Variants in DPP10 observed in about 807,000 individuals in gnomAD.
DPP10 encodes inactive dipeptidyl peptidase 10.
Under a neutral mutation model 120.9 loss-of-function variants are expected in DPP10, and 33 were observed. The ratio of observed to expected loss-of-function variants is 0.27; its 90% confidence interval spans 0.21 to 0.37. The LOEUF (loss-of-function observed/expected upper bound fraction) is 0.37. Among genes scored for constraint, DPP10 ranks in the 10% least tolerant of loss-of-function variants. DPP10 has a pLI of 1.00. For missense variants in DPP10, 816 were observed against 942.8 expected (o/e 0.87, Z 1.76); for synonymous variants, 337 against 326.1 (o/e 1.03, Z -0.36).
intron 1 of DPP10, among the ~76,000 whole-genome samples, chr2:114,804,653 C>T (rs1006668282): frequency 2.0e-5 from 3 of 152,192 alleles, no homozygotes; most frequent in East Asian, 1.9e-4. Flanking sequence ...CCTGTAACCC[C>T]TTTATTTTGG....
chr2:114,834,779 T>A (rs1189502498), intron 1 of DPP10, among the ~76,000 whole-genome samples: 1 of 144,520 alleles, frequency 6.9e-6, no homozygotes, highest in African/African-American at 2.7e-5. Flanking sequence ...TATGTATATA[T>A]AAGCCATGTC....
intron 1 of DPP10, among the ~76,000 whole-genome samples, chr2:115,113,716 T>C (rs1573661559): frequency 6.6e-6 from 1 of 152,298 alleles, no homozygotes. Context: ...ACCCTTGAGA[T>C]ACATATTTTG....
intron 3 of DPP10, among the ~76,000 whole-genome samples, chr2:115,483,290 T>A (rs1204041246): frequency 6.6e-6 from 1 of 152,136 alleles, no homozygotes; most frequent in East Asian, 1.9e-4. Flanking sequence ...TAAAAAATTA[T>A]TTCAGATGAC....
At chr2:115,079,110 G>A (rs943066794) in intron 1 of DPP10, among the ~76,000 whole-genome samples, 1 of 152,218 alleles carries the variant, frequency 6.6e-6, no homozygotes, top group Non-Finnish European at 1.5e-5. Context: ...GCCGGGCGCG[G>A]TGGCTCACGC....
chr2:114,753,908 C>CA (rs777798352), intron 1 of DPP10, among the ~76,000 whole-genome samples: 2,375 of 33,358 alleles, frequency 0.071, 217 homozygotes, highest in Non-Finnish European at 0.12. Context: ...GACTCCTTCT[C>CA]AAAAAAAAAA....
intron 1 of DPP10, among the ~76,000 whole-genome samples, chr2:114,893,461 T>C (rs376251921): frequency 2.6e-5 from 4 of 151,958 alleles, no homozygotes; most frequent in East Asian, 1.9e-4. Context: ...CTTTTGAATA[T>C]TGGGGGGTGG....
chr2:115,408,481 T>C (rs2068696711), intron 3 of DPP10, among the ~76,000 whole-genome samples: 1 of 152,142 alleles, frequency 6.6e-6, no homozygotes, highest in South Asian at 2.1e-4. Flanking sequence ...CTGGATCTAG[T>C]TGACATCTAT....
At chr2:114,847,655 A>T (rs1688647676) in intron 1 of DPP10, among the ~76,000 whole-genome samples, 1 of 152,174 alleles carries the variant, frequency 6.6e-6, no homozygotes, top group South Asian at 2.1e-4. Context: ...CTTTTGCATG[A>T]GTGTAATAAG....
intron 1 of DPP10, among the ~76,000 whole-genome samples, chr2:115,093,432 T>C (rs146443034): frequency 1.8e-3 from 272 of 152,228 alleles, no homozygotes; most frequent in Non-Finnish European, 3.1e-3. Flanking sequence ...CCAATATAAA[T>C]AATAACTAAA....
At chr2:114,455,788 C>A (rs111256532) in intron 1 of DPP10, among the ~76,000 whole-genome samples, 7 of 151,108 alleles carry the variant, frequency 4.6e-5, no homozygotes, top group South Asian at 2.1e-4. Flanking sequence ...AACAGCTAAC[C>A]AGCTGACCTT....
chr2:115,746,566 A>G lies in DPP10; in HGVS notation c.950+383A>G, dbSNP rs186394498. 8.0e-3 allele frequency among the ~76,000 whole-genome samples: 1,221 copies of G among 152,280 alleles called. 5 individuals carry two copies. The highest frequency in any genetic ancestry group is 0.031 in the Middle Eastern group (9 of 294). On this transcript the variant is annotated intron_variant, in intron 10 of 25. Coordinates refer to ENST00000410059, the MANE Select transcript of DPP10 (RefSeq NM_020868.6). The stretch of plus-strand genomic sequence containing the variant: ...CTCTCTGGAATTTGTGAGTTTTTCC[A>G]ACTTTCTCCCCATAGTTTTGCCAAA...
At chr2:115,735,374 A>G (rs906227975) in intron 8 of DPP10, among the ~76,000 whole-genome samples, 1 of 152,126 alleles carries the variant, frequency 6.6e-6, no homozygotes, top group Non-Finnish European at 1.5e-5. Context: ...AAAACTTATT[A>G]TGTGATCTTA....
At chr2:114,646,159 C>CAAATAAATAAAT (rs3029136) in intron 1 of DPP10, among the ~76,000 whole-genome samples, 1,633 of 140,802 alleles carry the variant, frequency 0.012, 24 homozygotes, top group African/African-American at 0.03. Flanking sequence ...GCCTCAGTCT[C>CAAATAAATAAAT]AAATAAATAA....
chr2:114,990,851 T>G (rs866680678), intron 1 of DPP10, among the ~76,000 whole-genome samples: 48 of 152,326 alleles, frequency 3.2e-4, no homozygotes, highest in Middle Eastern at 6.8e-3. Flanking sequence ...ATAGTCCTTC[T>G]GCTGGTATTT....
At chr2:114,553,057 C>T (rs752098566) in intron 1 of DPP10, among the ~76,000 whole-genome samples, 11 of 152,210 alleles carry the variant, frequency 7.2e-5, no homozygotes, top group Non-Finnish European at 1.3e-4. Context: ...ATGCAGCTTT[C>T]ATTGCATGTG....
chr2:115,830,758 G>A (rs1688836671), intron 21 of DPP10, among the ~76,000 whole-genome samples: 1 of 152,160 alleles, frequency 6.6e-6, no homozygotes, highest in Non-Finnish European at 1.5e-5. Flanking sequence ...GTATCACTAG[G>A]AGATCATGTT....
At chr2:115,228,117 TTTG>T (rs1053723353) in intron 1 of DPP10, among the ~76,000 whole-genome samples, 35 of 151,968 alleles carry the variant, frequency 2.3e-4, no homozygotes, top group Admixed American at 5.3e-4. Context: ...ACATATATTT[TTTG>T]TTGTTGTTGT....
intron 1 of DPP10, among the ~76,000 whole-genome samples, chr2:115,098,623 C>G (rs1368562836): frequency 6.6e-6 from 1 of 152,048 alleles, no homozygotes. Flanking sequence ...ACGGCACCAC[C>G]ATTGTATAGG....
At chr2:114,870,359 T>G (rs569092833) in intron 1 of DPP10, among the ~76,000 whole-genome samples, 2 of 152,296 alleles carry the variant, frequency 1.3e-5, no homozygotes, top group African/African-American at 2.4e-5. Flanking sequence ...GGAGGAAATA[T>G]TCAATGAATT....
Sources: allele counts gnomAD v4.1 joint callset (sites outside exome capture counted in the v4.1 genomes callset), GRCh38; gene constraint gnomAD v4.1.1; transcripts MANE v1.5; gene names NCBI Gene and HGNC (gene_info 2026-07-23, HGNC 2026-07-21).